The following KCNQ3 variants were observed in gnomAD, a reference collection of about 807,000 sequenced individuals.
KCNQ3 encodes potassium voltage-gated channel subfamily KQT member 3.
A neutral mutation model predicts 92.5 loss-of-function variants in KCNQ3; 30 were observed. The ratio of observed to expected loss-of-function variants is 0.32; its 90% CI spans 0.24 to 0.44. The LOEUF (loss-of-function observed/expected upper bound fraction) is 0.44. Ranked by LOEUF, KCNQ3 falls within the 20% of genes least tolerant of loss-of-function variation. The probability of loss-of-function intolerance (pLI) is 1.00; values close to 1 mark genes in which losing one functional copy is unlikely to be tolerated. For synonymous variants in KCNQ3, 450 were observed against 468.8 expected (o/e 0.96, Z 0.52); for missense variants, 913 against 1,140.3 (o/e 0.80, Z 2.87).
intron 1 of KCNQ3, among the ~76,000 whole-genome samples, chr8:132,399,147 T>C (rs1222407318): frequency 6.6e-6 from 1 of 152,128 alleles, no homozygotes; most frequent in African/African-American, 2.4e-5. Flanking sequence ...AGAAGACAGG[T>C]CTCTATAGGC....
chr8:132,438,159 GCTTT>G (rs1821444872), intron 1 of KCNQ3, among the ~76,000 whole-genome samples: 1 of 152,198 alleles, frequency 6.6e-6, no homozygotes, highest in African/African-American at 2.4e-5. Flanking sequence ...AGGAAAAACT[GCTTT>G]CTATTATAAG....
chr8:132,187,827 G>GATA (rs1408994197), intron 1 of KCNQ3, among the ~76,000 whole-genome samples: 17 of 136,036 alleles, frequency 1.2e-4, no homozygotes, highest in African/African-American at 4.8e-4. Flanking sequence ...TGGTGGTGGT[G>GATA]GTGATTGTGG....
intron 1 of KCNQ3, among the ~76,000 whole-genome samples, chr8:132,289,884 C>A (rs1816792370): frequency 6.6e-6 from 1 of 152,100 alleles, no homozygotes; most frequent in Non-Finnish European, 1.5e-5. Flanking sequence ...TGACTGCATC[C>A]TTGGTAGCAA....
chr8:132,470,767 T>G (rs749871991), intron 1 of KCNQ3, among the ~76,000 whole-genome samples: 1 of 152,264 alleles, frequency 6.6e-6, no homozygotes, highest in Non-Finnish European at 1.5e-5. Flanking sequence ...GTTATGTCTC[T>G]TTAGCCTCCA....
At chr8:132,446,334 T>A (rs1821675192) in intron 1 of KCNQ3, among the ~76,000 whole-genome samples, 1 of 152,222 alleles carries the variant, frequency 6.6e-6, no homozygotes, top group African/African-American at 2.4e-5. Context: ...AACTGCATCA[T>A]GCCACACATT....
intron 1 of KCNQ3, among the ~76,000 whole-genome samples, chr8:132,240,161 C>T (rs989420232): frequency 2.6e-5 from 4 of 151,538 alleles, no homozygotes; most frequent in South Asian, 2.1e-4. Flanking sequence ...GATGGCATAT[C>T]CATAGGCCTG....
chr8:132,461,389 C>A (rs10956662), intron 1 of KCNQ3, among the ~76,000 whole-genome samples: 35,819 of 151,852 alleles, frequency 0.24, 4,463 homozygotes, highest in East Asian at 0.36. Context: ...CGTGGTGAAA[C>A]CCCGTCTCCA....
At chr8:132,163,143 G>C (rs1041040384) in intron 9 of KCNQ3, among the ~76,000 whole-genome samples, 3 of 152,134 alleles carry the variant, frequency 2.0e-5, no homozygotes, top group African/African-American at 7.2e-5. Flanking sequence ...ACCTCTCTGA[G>C]CCACAATCTC....
chr8:132,265,247 C>T (rs1815943483), intron 1 of KCNQ3, among the ~76,000 whole-genome samples: 1 of 152,242 alleles, frequency 6.6e-6, no homozygotes, highest in East Asian at 1.9e-4. Flanking sequence ...CATTTATTCT[C>T]TTTGCCTAGA....
chr8:132,407,386 C>G (rs945732088), intron 1 of KCNQ3, among the ~76,000 whole-genome samples: 3 of 152,212 alleles, frequency 2.0e-5, no homozygotes, highest in Admixed American at 1.3e-4. Context: ...TTTCTCTCCA[C>G]CCTGGAAAGT....
At chr8:132,343,078 C>T (rs749559195) in intron 1 of KCNQ3, among the ~76,000 whole-genome samples, 38 of 152,226 alleles carry the variant, frequency 2.5e-4, no homozygotes, top group Non-Finnish European at 4.8e-4. Flanking sequence ...CGCTTCAATC[C>T]AACCCTGCTG....
At chr8:132,295,213 A>G (rs932278888) in intron 1 of KCNQ3, among the ~76,000 whole-genome samples, 1 of 152,242 alleles carries the variant, frequency 6.6e-6, no homozygotes, top group Non-Finnish European at 1.5e-5. Context: ...ACCCCATTAA[A>G]AAGTGGGCAA....
intron 1 of KCNQ3, among the ~76,000 whole-genome samples, chr8:132,461,335 G>T (rs534610782): frequency 1.5e-4 from 23 of 152,032 alleles, no homozygotes; most frequent in Non-Finnish European, 1.8e-4. Flanking sequence ...AGGCCGAGGC[G>T]GGTAGATCAC....
chr8:132,356,784 T>C (rs138571140), intron 1 of KCNQ3, among the ~76,000 whole-genome samples: 1 of 152,168 alleles, frequency 6.6e-6, no homozygotes, highest in East Asian at 1.9e-4. Context: ...GTTGATTTTG[T>C]TGAGTGATGG....
intron 1 of KCNQ3, among the ~76,000 whole-genome samples, chr8:132,189,509 T>A (rs993414617): frequency 3.3e-5 from 5 of 152,168 alleles, no homozygotes; most frequent in African/African-American, 1.2e-4. Flanking sequence ...AACATGAGAC[T>A]GCTAAACTAC....
At chr8:132,135,738 A>G (rs535125441) in intron 12 of KCNQ3, among the ~76,000 whole-genome samples, 1 of 152,120 alleles carries the variant, frequency 6.6e-6, no homozygotes, top group Non-Finnish European at 1.5e-5. Flanking sequence ...GTTAAGCTCA[A>G]AATTTGTTCA....
At chr8:132,419,331 G>C (rs1449564848) in intron 1 of KCNQ3, among the ~76,000 whole-genome samples, 1 of 152,042 alleles carries the variant, frequency 6.6e-6, no homozygotes, top group Non-Finnish European at 1.5e-5. Context: ...GCAGGTCACG[G>C]GCATCATTGA....
At chr8:132,475,825 T>G (rs897901029) in intron 1 of KCNQ3, among the ~76,000 whole-genome samples, 11 of 152,154 alleles carry the variant, frequency 7.2e-5, no homozygotes, top group African/African-American at 1.4e-4. Flanking sequence ...AATGAGGAGT[T>G]GAATGTTAAT....
intron 1 of KCNQ3, among the ~76,000 whole-genome samples, chr8:132,222,108 C>A (rs1407535024): frequency 2.0e-5 from 3 of 152,200 alleles, no homozygotes; most frequent in Non-Finnish European, 4.4e-5. Context: ...GCAAAAGAAA[C>A]TACCATCACA....
Sources: gnomAD v4.1 joint callset for allele counts (sites outside exome capture counted in the v4.1 genomes callset) on GRCh38, gnomAD v4.1.1 for gene constraint, MANE v1.5 for transcripts, NCBI Gene and HGNC (gene_info 2026-07-23, HGNC 2026-07-21) for gene names.